Variants in C17orf78 observed in about 807,000 individuals in gnomAD.
The protein encoded by C17orf78 is uncharacterized protein C17orf78.
C17orf78 carries 27 observed loss-of-function variants against 31.8 expected under a neutral mutation model. The ratio of observed to expected loss-of-function variants is 0.85; its 90% CI spans 0.63 to 1.17. C17orf78 has a LOEUF of 1.17. C17orf78 is among the 50% of genes most tolerant of loss of function. The pLI is 0.00. For missense variants in C17orf78, 258 were observed against 315.2 expected, an observed-to-expected ratio of 0.82 and a Z score of 1.37; for synonymous variants, 106 against 115.1, an observed-to-expected ratio of 0.92 and a Z score of 0.51.
chr17:37,385,332 G>C (rs2050478294), intron 3 of C17orf78, among the ~76,000 whole-genome samples: 2 of 152,120 alleles, frequency 1.3e-5, no homozygotes, highest in Non-Finnish European at 2.9e-5. Context: ...AATTAGCCGG[G>C]TGCGATGGCA....
At chr17:37,383,166 A>G (rs1280651034) in intron 3 of C17orf78, among the ~76,000 whole-genome samples, 3 of 152,218 alleles carry the variant, frequency 2.0e-5, no homozygotes, top group Non-Finnish European at 2.9e-5. Context: ...TGTTGGGGAA[A>G]AGTGGACTTA....
At chr17:37,376,189 A>G in intron 1 of C17orf78, 39 bp downstream of exon 1, 1 of 1,543,106 alleles carries the variant, frequency 6.5e-7, no homozygotes, top group Non-Finnish European at 9.0e-7. Context: ...GAAAATACAG[A>G]GAGAGGCCTA....
rs1189193698 is a variant in C17orf78, at chr17:37,390,304, TTATATATATATA to T, written c.750+961_750+972del. Among the ~76,000 whole-genome samples, 36 of 17,976 alleles carry T rather than the reference TTATATATATATA, an allele frequency of 2.0e-3. 1 individual carries two copies. The highest frequency in any genetic ancestry group is 0.013 in the African/African-American group (33 of 2,620). 11.8% of individuals were successfully genotyped at this position (17,976 alleles called of 152,430 possible). On this transcript the variant is annotated intron_variant, in intron 6 of 6. Coordinates refer to ENST00000615133, the MANE Select transcript of C17orf78 (RefSeq NM_173625.5). The stretch of plus-strand genomic sequence containing the variant: ...ATATATAATTATATATTATACATAA[TTATATATATATA>T]TATATATATATATATATAAAAGGCC...
intron 6 of C17orf78, among the ~76,000 whole-genome samples, chr17:37,390,575 C>T (rs887342217): frequency 7.4e-5 from 11 of 147,780 alleles, no homozygotes; most frequent in African/African-American, 2.2e-4. Context: ...TGTGGTGAGC[C>T]GAGATTGCGC....
intron 1 of C17orf78, 138 bp from the exon 2 acceptor site, chr17:37,377,741 G>C: frequency 4.0e-6 from 2 of 500,550 alleles, no homozygotes; most frequent in Non-Finnish European, 7.2e-6. Context: ...GATCTCCCAA[G>C]TTGCAAGTTT....
chr17:37,377,821 A>G (rs1450438073), intron 1 of C17orf78, 58 bp from the exon 2 acceptor site: 1 of 1,397,994 alleles, frequency 7.2e-7, no homozygotes, highest in African/African-American at 1.4e-5. Context: ...GTACCAGTAA[A>G]TTCTGATTTT....
intron 2 of C17orf78, 75 bp from the exon 3 acceptor site, chr17:37,379,062 G>GT (rs1460321558): frequency 4.6e-5 from 68 of 1,482,200 alleles, no homozygotes; most frequent in Non-Finnish European, 6.1e-5. Context: ...ACAGAGCAAG[G>GT]CACCGTCTCA....
At chr17:37,390,366 C>T (rs1237211784) in intron 6 of C17orf78, among the ~76,000 whole-genome samples, 3 of 109,504 alleles carry the variant, frequency 2.7e-5, no homozygotes, top group Non-Finnish European at 5.2e-5. Flanking sequence ...CGGTGGCTCA[C>T]GCCTGTAATC....
At chr17:37,382,707 A>G (rs960929202) in intron 3 of C17orf78, among the ~76,000 whole-genome samples, 7 of 152,244 alleles carry the variant, frequency 4.6e-5, no homozygotes, top group African/African-American at 1.7e-4. Flanking sequence ...TAAAAATACA[A>G]AAATTAGCTG....
At chr17:37,377,663 A>C (rs1026081662) in intron 1 of C17orf78, among the ~76,000 whole-genome samples, 14 of 32,904 alleles carry the variant, frequency 4.3e-4, no homozygotes, top group African/African-American at 1.9e-3. Context: ...CCGTCTCAAT[A>C]AATAAATAAA....
chr17:37,381,284 C>CA (rs1356111339), intron 3 of C17orf78, among the ~76,000 whole-genome samples: 8 of 151,960 alleles, frequency 5.3e-5, no homozygotes, highest in African/African-American at 1.7e-4. Context: ...CTCCCAGGTT[C>CA]ACGTGATTCT....
At chr17:37,382,728 C>T (rs1444320088) in intron 3 of C17orf78, among the ~76,000 whole-genome samples, 6 of 152,178 alleles carry the variant, frequency 3.9e-5, no homozygotes, top group African/African-American at 9.6e-5. Flanking sequence ...GGCATGGTGG[C>T]GTGTGCCTGT....
At chr17:37,385,782 TGTTA>T (rs1295906945) in intron 3 of C17orf78, among the ~76,000 whole-genome samples, 4 of 152,148 alleles carry the variant, frequency 2.6e-5, no homozygotes, top group Admixed American at 6.6e-5. Flanking sequence ...TTTGATCCTA[TGTTA>T]GTTAAAAGTC....
Position 37,385,064 on chromosome 17 carries a change from G to A in C17orf78, c.392-945G>A, listed in dbSNP as rs116943077. ...ATCTCCCATCACTTCCACTGCTGGT[G>A]TGAATCACATCATCTCTCATCTGGA... On this transcript the variant is annotated intron_variant, in intron 3 of 6. Transcript: ENST00000615133. Among the ~76,000 whole-genome samples, 684 of 152,278 alleles carry A rather than the reference G, an allele frequency of 4.5e-3. 30 individuals carry two copies. In the East Asian group the frequency reaches 0.096, roughly 21 times the overall value.
rs566439362 is a variant in C17orf78 at position 37,379,745 on chromosome 17, G to C, written c.391+363G>C. The stretch of plus-strand genomic sequence containing the variant: ...ATGAGATACCATCTCACACCAGTTA[G>C]AATGGCAATCATTAAAAAGTCAGGA... On this transcript the variant is annotated intron_variant, in intron 3 of 6. Transcript: ENST00000615133. Among the ~76,000 whole-genome samples the C allele has an allele frequency of 1.3e-4, 20 of 150,896 alleles. 1 individual carries two copies. In the South Asian group the frequency reaches 4.2e-3, roughly 32 times the overall value.
intron 3 of C17orf78, among the ~76,000 whole-genome samples, chr17:37,383,658 G>A (rs891400263): frequency 3.3e-5 from 5 of 152,080 alleles, no homozygotes; most frequent in Admixed American, 2.6e-4. Flanking sequence ...AGCAATTCTC[G>A]TGCTTCAGCC....
intron 2 of C17orf78, among the ~76,000 whole-genome samples, chr17:37,378,831 G>T (rs2050118938): frequency 6.6e-6 from 1 of 152,192 alleles, no homozygotes; most frequent in Non-Finnish European, 1.5e-5. Flanking sequence ...GGAGGCCAAG[G>T]TGGGAGGATT....
chr17:37,390,304 T>TTA (rs1189193698), intron 6 of C17orf78, among the ~76,000 whole-genome samples: 2,459 of 17,928 alleles, frequency 0.14, 204 homozygotes, highest in Non-Finnish European at 0.16. Flanking sequence ...TTATACATAA[T>TTA]TATATATATA....
intron 3 of C17orf78, among the ~76,000 whole-genome samples, chr17:37,381,286 C>T (rs937896396): frequency 3.3e-5 from 5 of 151,882 alleles, no homozygotes; most frequent in Non-Finnish European, 2.9e-5. Context: ...CCCAGGTTCA[C>T]GTGATTCTCC....
Sources: allele counts gnomAD v4.1 joint callset (sites outside exome capture counted in the v4.1 genomes callset), GRCh38; gene constraint gnomAD v4.1.1; transcripts MANE v1.5; gene names NCBI Gene and HGNC (gene_info 2026-07-23, HGNC 2026-07-21).